CHRDL1: variants seen among roughly 807,000 people sequenced by gnomAD.
CHRDL1 encodes chordin like 1.
Under a neutral mutation model 40.9 loss-of-function variants are expected in CHRDL1, and 19 were observed. The observed-to-expected ratio is 0.46, with a 90% CI of 0.32 to 0.68. The LOEUF is 0.68. Among genes scored for constraint, CHRDL1 ranks in the 30% least tolerant of loss-of-function variants. The pLI is 0.03. For missense variants in CHRDL1, 329 were observed against 352.1 expected (o/e 0.93, Z 0.53); for synonymous variants, 136 against 123.4 (o/e 1.10, Z -0.68).
At chrX:110,719,740 C>T (rs967782066) in intron 6 of CHRDL1, 95 bp downstream of exon 6, 14 of 421,968 alleles carry the variant, frequency 3.3e-5, no homozygotes. Flanking sequence ...TAAAAATTAC[C>T]TTTCCCTAGG....
At chrX:110,690,440 C>A (rs1177164676) in intron 8 of CHRDL1, among the ~76,000 whole-genome samples, 9 of 109,863 alleles carry the variant, frequency 8.2e-5, no homozygotes, top group East Asian at 2.8e-4. Flanking sequence ...TTAATATTTT[C>A]AGTTCTATAG....
chrX:110,742,429 T>G (rs2071378134), intron 4 of CHRDL1, among the ~76,000 whole-genome samples: 1 of 112,451 alleles, frequency 8.9e-6, no homozygotes, highest in Non-Finnish European at 1.9e-5. Context: ...GCATAAGTAA[T>G]GGTTGTCTCA....
chrX:110,689,165 C>T (rs1278143976), intron 8 of CHRDL1, among the ~76,000 whole-genome samples: 1 of 96,617 alleles, frequency 1.0e-5, no homozygotes, highest in African/African-American at 3.7e-5. Context: ...GTGATTGTGG[C>T]TCACTGTAGC....
intron 4 of CHRDL1, among the ~76,000 whole-genome samples, chrX:110,733,678 T>C (rs181529910): frequency 3.6e-4 from 40 of 110,471 alleles, no homozygotes; most frequent in Admixed American, 6.7e-4. Context: ...GAGGCTGAGG[T>C]GGGTGGATCA....
rs890468512 is a variant in CHRDL1, at chrX:110,705,863, A to C, written c.542-5142T>G. ...ATACATTAAATATATAAATACTAGGAACTGTTAGCATTTCTGGTGCCTCTG... is the reference window on the plus strand; with the variant it reads ...ATACATTAAATATATAAATACTAGGCACTGTTAGCATTTCTGGTGCCTCTG... On this transcript the variant is annotated intron_variant, in intron 6 of 11. Transcript: ENST00000372042. Among the ~76,000 whole-genome samples the C allele has an allele frequency of 7.4e-4, 81 of 109,875 alleles. 3 individuals are homozygous for C. Among genetic ancestry groups the C allele is most frequent in the African/African-American group, 2.5e-3 (75 of 30,385 alleles).
intron 4 of CHRDL1, among the ~76,000 whole-genome samples, chrX:110,733,850 T>A (rs762960660): frequency 9.5e-6 from 1 of 105,309 alleles, no homozygotes; most frequent in Non-Finnish European, 1.9e-5. Flanking sequence ...GGAGGTTGCA[T>A]TGAGCCGAGA....
At position 110,675,016 on chromosome X, in the gene CHRDL1, A is replaced by T. The variant is rs1247977773; in HGVS notation, c.*1215T>A. 2.7e-5 allele frequency: 3 copies of T among 112,162 alleles called. No individual in the cohort carries two copies. Among genetic ancestry groups the T allele is most frequent in the East Asian group, 5.6e-4 (2 of 3,541 alleles). The allele number at this position is 112,162 out of a possible 1,213,427, so 9.2% of individuals were successfully genotyped here. ...AGGATAGTAGGAAGGTTTAGGATAA[A>T]GATCTTCATCAGAATATCCACCTCC... On this transcript the variant is annotated 3_prime_UTR_variant, in exon 12 of 12. Transcript: ENST00000372042.
chrX:110,784,967 T>C (rs763593690), intron 2 of CHRDL1, among the ~76,000 whole-genome samples: 23 of 111,915 alleles, frequency 2.1e-4, no homozygotes, highest in Non-Finnish European at 3.9e-4. Flanking sequence ...CTGACCTGAA[T>C]ATTTTTTCAG....
In CHRDL1 at chrX:110,688,784, C is replaced by G. The variant is rs1475316790; in HGVS notation, c.798G>C (p.Lys266Asn). Reference protein sequence around the residue: ...KHGQVCVSNGKTYSHGESWHP... With the variant: ...KHGQVCVSNGNTYSHGESWHP... Reference sequence around the variant, plus strand: ...GCCAGGACTCGCCATGAGAATAGGTCTTTCCATTGGAAACACACACTGAAA... The same window carrying G: ...GCCAGGACTCGCCATGAGAATAGGTGTTTCCATTGGAAACACACACTGAAA... The change falls in exon 9 of 12, where the codon AAG (lysine) becomes AAC (asparagine). Residue 266 changes from lysine to asparagine, a missense_variant. Lys to Asn is a moderately conservative substitution (Grantham distance 94, BLOSUM62 0). Coordinates refer to ENST00000372042, the MANE Select transcript of CHRDL1 (RefSeq NM_001143981.2). 1 of 1,205,524 alleles carries G rather than the reference C, an allele frequency of 8.3e-7. No homozygotes were observed. The highest frequency in any genetic ancestry group is 2.5e-4 in the Middle Eastern group (1 of 4,060).
chrX:110,680,566 G>T (rs1472866743), intron 10 of CHRDL1, among the ~76,000 whole-genome samples: 1 of 111,956 alleles, frequency 8.9e-6, no homozygotes, highest in East Asian at 2.8e-4. Flanking sequence ...TCTACCCAAG[G>T]TCTACTGAAT....
intron 8 of CHRDL1, among the ~76,000 whole-genome samples, chrX:110,689,107 TA>T: frequency 1.2e-5 from 1 of 81,317 alleles, no homozygotes; most frequent in East Asian, 3.6e-4. Context: ...TATATATATA[TA>T]TATATTTTAA....
chrX:110,762,266 C>T (rs1312279261), intron 3 of CHRDL1, among the ~76,000 whole-genome samples: 1 of 111,575 alleles, frequency 9.0e-6, no homozygotes, highest in Non-Finnish European at 1.9e-5. Flanking sequence ...TTCTTGCAAT[C>T]GTCTTCTTAC....
At chrX:110,770,507 TAAG>T (rs1569482205) in intron 2 of CHRDL1, among the ~76,000 whole-genome samples, 1 of 108,385 alleles carries the variant, frequency 9.2e-6, no homozygotes, top group African/African-American at 3.4e-5. Context: ...TAGGACAAAA[TAAG>T]AAAAAAAATA....
At chrX:110,720,383 A>G (rs1199987475) in intron 5 of CHRDL1, among the ~76,000 whole-genome samples, 1 of 112,097 alleles carries the variant, frequency 8.9e-6, no homozygotes, top group African/African-American at 3.2e-5. Context: ...ATACAAAACT[A>G]TACAAGATGA....
At chrX:110,770,939 G>C (rs1261006577) in intron 2 of CHRDL1, among the ~76,000 whole-genome samples, 1 of 111,111 alleles carries the variant, frequency 9.0e-6, no homozygotes, top group Non-Finnish European at 1.9e-5. Flanking sequence ...CTGAGGTCAG[G>C]AGTTCAAGAC....
chrX:110,749,874 C>T (rs16986125), intron 4 of CHRDL1, among the ~76,000 whole-genome samples: 2,808 of 112,261 alleles, frequency 0.025, 87 homozygotes, highest in African/African-American at 0.086. Flanking sequence ...GCAAGGATAT[C>T]TGGTTACTTT....
chrX:110,749,630 C>T (rs765104377), intron 4 of CHRDL1, among the ~76,000 whole-genome samples: 4 of 111,515 alleles, frequency 3.6e-5, no homozygotes, highest in Non-Finnish European at 7.5e-5. Flanking sequence ...TGTGAGGAGG[C>T]GGATTTTGGA....
chrX:110,767,537 T>C (rs886499959), intron 2 of CHRDL1, among the ~76,000 whole-genome samples: 12 of 109,584 alleles, frequency 1.1e-4, no homozygotes, highest in African/African-American at 3.3e-4. Context: ...AGCTCTTCTA[T>C]ACACCAAAAG....
At chrX:110,719,557 A>G (rs1389766156) in intron 6 of CHRDL1, among the ~76,000 whole-genome samples, 1 of 110,381 alleles carries the variant, frequency 9.1e-6, no homozygotes, top group East Asian at 2.8e-4. Context: ...TTAAGGATGG[A>G]GAAATAAATA....
Sources: allele counts gnomAD v4.1 joint callset (sites outside exome capture counted in the v4.1 genomes callset), GRCh38; gene constraint gnomAD v4.1.1; transcripts MANE v1.5; gene names NCBI Gene and HGNC (gene_info 2026-07-23, HGNC 2026-07-21).